FBXO21: variants seen among roughly 807,000 people sequenced by gnomAD.
FBXO21 encodes the protein F-box protein 21, also known as F-box only protein 21.
A neutral mutation model predicts 76.6 loss-of-function variants in FBXO21; 32 were observed. The observed-to-expected ratio is 0.42, with a 90% CI of 0.32 to 0.56. FBXO21 has a LOEUF of 0.56. Among genes scored for constraint, FBXO21 ranks in the 20% least tolerant of loss-of-function variants. FBXO21 has a pLI of 0.16. For synonymous variants in FBXO21, 328 were observed against 311.5 expected, an observed-to-expected ratio of 1.05 and a Z score of -0.56; for missense variants, 586 against 797.3, an observed-to-expected ratio of 0.73 and a Z score of 3.19.
At chr12:117,168,400 T>C (rs1956081704) in intron 7 of FBXO21, among the ~76,000 whole-genome samples, 1 of 152,078 alleles carries the variant, frequency 6.6e-6, no homozygotes, top group African/African-American at 2.4e-5. Flanking sequence ...GGTGCATGCC[T>C]GAAATCCCAG....
At chr12:117,152,923 C>T (rs1224032896) in intron 11 of FBXO21, among the ~76,000 whole-genome samples, 10 of 151,932 alleles carry the variant, frequency 6.6e-5, no homozygotes, top group Admixed American at 5.9e-4. Flanking sequence ...GTTCCACGTG[C>T]GAGCAAGAAT....
chr12:117,189,458 T>G, intron 1 of FBXO21, 96 bp from the exon 2 acceptor site: 1 of 1,400,010 alleles, frequency 7.1e-7, no homozygotes, highest in East Asian at 2.3e-5. Context: ...AGCAGTGGCG[T>G]CCAGTGGTAA....
chr12:117,182,278 G>T (rs1956241784), intron 3 of FBXO21, among the ~76,000 whole-genome samples: 1 of 152,190 alleles, frequency 6.6e-6, no homozygotes, highest in Non-Finnish European at 1.5e-5. Context: ...AGGATCACTT[G>T]AAGTCAAGAG....
rs148951445 is a variant in FBXO21, at chr12:117,188,736, G to A, written c.375+491C>T. 1.6e-3 allele frequency: 249 copies of A among 153,078 alleles called. 4 individuals carry two copies. Among genetic ancestry groups the A allele is most frequent in the East Asian group, 8.1e-3 (42 of 5,206 alleles). 9.5% of individuals were successfully genotyped at this position (153,078 alleles called of 1,614,324 possible). ...CAGGGAGTAATAACTCTGATTTATAGGTAGCTTTTAATCCTCTGTTACCTT... is the reference window on the plus strand; with the variant it reads ...CAGGGAGTAATAACTCTGATTTATAAGTAGCTTTTAATCCTCTGTTACCTT... On this transcript the variant is annotated intron_variant, in intron 2 of 11. Transcript: ENST00000622495.
chr12:117,181,541 A>ATATC (rs770483986), intron 3 of FBXO21, among the ~76,000 whole-genome samples: 2 of 151,956 alleles, frequency 1.3e-5, no homozygotes, highest in Non-Finnish European at 2.9e-5. Context: ...CTATCTATTT[A>ATATC]TATCTATCTA....
chr12:117,151,626 G>T (rs1207221803), intron 11 of FBXO21, among the ~76,000 whole-genome samples: 2 of 152,096 alleles, frequency 1.3e-5, no homozygotes, highest in Non-Finnish European at 2.9e-5. Context: ...TTTAAAATTT[G>T]GCCTCTCACT....
chr12:117,181,650 C>A (rs2135883151), intron 3 of FBXO21, among the ~76,000 whole-genome samples: 1 of 147,170 alleles, frequency 6.8e-6, no homozygotes, highest in African/African-American at 2.5e-5. Flanking sequence ...TCTATCTAAT[C>A]TAGCTATCTA....
intron 11 of FBXO21, among the ~76,000 whole-genome samples, chr12:117,151,411 T>C (rs921768005): frequency 1.3e-4 from 20 of 152,214 alleles, no homozygotes; most frequent in African/African-American, 4.8e-4. Flanking sequence ...TTTGAAGATG[T>C]CATATATGTA....
At chr12:117,179,683 G>A (rs1956209559) in intron 3 of FBXO21, among the ~76,000 whole-genome samples, 1 of 152,178 alleles carries the variant, frequency 6.6e-6, no homozygotes, top group South Asian at 2.1e-4. Context: ...AGGCAATAAT[G>A]CCTGGGTGTT....
intron 1 of FBXO21, 36 bp downstream of exon 1, chr12:117,190,182 T>A: frequency 1.7e-6 from 2 of 1,184,334 alleles, no homozygotes; most frequent in South Asian, 7.7e-5. Flanking sequence ...CGCGGGGCGG[T>A]GGGCGCGCAG....
rs976342965 is a variant in FBXO21 at position 117,143,466 on chromosome 12, C to A, written c.*2621G>T. 2.6e-5 allele frequency: 4 copies of A among 152,216 alleles called. No homozygotes were observed. The highest frequency in any genetic ancestry group is 9.7e-5 in the African/African-American group (4 of 41,450). 9.4% of individuals were successfully genotyped at this position (152,216 alleles called of 1,614,324 possible). ...GCACAGCCATTCAAATCAACGGCAA[C>A]AGAACGCACGAAGAACCTGGTTTTC... On this transcript the variant is annotated 3_prime_UTR_variant, in exon 12 of 12. Transcript: ENST00000622495.
intron 3 of FBXO21, among the ~76,000 whole-genome samples, chr12:117,182,298 A>G (rs995390294): frequency 1.3e-5 from 2 of 152,198 alleles, no homozygotes; most frequent in Non-Finnish European, 2.9e-5. Flanking sequence ...GTTCAAGACC[A>G]GCCTGGGAAA....
At chr12:117,189,152 G>C in intron 2 of FBXO21, 75 bp downstream of exon 2, 1 of 1,549,670 alleles carries the variant, frequency 6.5e-7, no homozygotes, top group Non-Finnish European at 8.9e-7. Flanking sequence ...AAAAGAGCTG[G>C]ATGAGCTCAT....
At chr12:117,155,466 A>G in intron 11 of FBXO21, 1 of 306,552 alleles carries the variant, frequency 3.3e-6, no homozygotes, top group Non-Finnish European at 6.3e-6. Flanking sequence ...GTTCCCTTCT[A>G]GTCTGGGAGG....
chr12:117,161,934 G>A (rs1955982619), intron 9 of FBXO21, among the ~76,000 whole-genome samples: 1 of 152,220 alleles, frequency 6.6e-6, no homozygotes. Context: ...AGTATGTACT[G>A]CATTTATCAA....
Position 117,174,669 on chromosome 12 carries a change from TGG to T in FBXO21, c.719_720del (p.Pro240GlnfsTer8). On this transcript the variant is annotated frameshift_variant, in exon 5 of 12. Transcript: ENST00000622495. LOFTEE classifies it high-confidence loss of function. ...KTLRGINSRH[P>X]SLAFKAGESS... ...GCCACACCTGCCTTGAAGGCCAAGC[TGG>T]GGTGGCGACTGTTTATGCCCCGAAG... is the stretch of plus-strand genomic sequence containing the variant. The T allele has an allele frequency of 6.2e-7, 1 of 1,614,134 alleles. No individual in the cohort carries two copies. Among genetic ancestry groups the T allele is most frequent in the Non-Finnish European group, 8.5e-7 (1 of 1,180,014 alleles).
intron 3 of FBXO21, among the ~76,000 whole-genome samples, chr12:117,179,744 CATTT>C (rs1248851962): frequency 3.9e-5 from 6 of 152,182 alleles, no homozygotes; most frequent in African/African-American, 1.4e-4. Context: ...TCTGTTCATT[CATTT>C]GAGGTTACGA....
chr12:117,165,025 T>A (rs992368184), intron 9 of FBXO21, among the ~76,000 whole-genome samples: 1 of 152,230 alleles, frequency 6.6e-6, no homozygotes, highest in African/African-American at 2.4e-5. Context: ...CAAAATTCAA[T>A]GGTTTTCAGA....
chr12:117,155,721 C>T, intron 11 of FBXO21, 70 bp downstream of exon 11: 1 of 1,503,734 alleles, frequency 6.7e-7, no homozygotes, highest in Non-Finnish European at 9.0e-7. Context: ...ACAGTACCTA[C>T]CCGAGGGCTC....
Sources: gnomAD v4.1 joint callset for allele counts (sites outside exome capture counted in the v4.1 genomes callset) on GRCh38, gnomAD v4.1.1 for gene constraint, MANE v1.5 for transcripts, NCBI Gene and HGNC (gene_info 2026-07-23, HGNC 2026-07-21) for gene names.